The following HS6ST3 variants were observed in gnomAD, a reference collection of about 807,000 sequenced individuals.
HS6ST3 encodes heparan sulfate 6-O-sulfotransferase 3, also known as heparan-sulfate 6-O-sulfotransferase 3.
Under a neutral mutation model 36.7 loss-of-function variants are expected in HS6ST3, and 12 were observed. That is an observed-to-expected ratio of 0.33 (90% CI 0.21 to 0.53). The LOEUF (loss-of-function observed/expected upper bound fraction) is 0.53. HS6ST3 is among the 20% of genes least tolerant of loss of function. The pLI, the probability that HS6ST3 is intolerant of heterozygous loss-of-function variation, is 0.95. For synonymous variants in HS6ST3, 240 were observed against 257.5 expected (o/e 0.93, Z 0.65); for missense variants, 584 against 640.9 (o/e 0.91, Z 0.96).
chr13:96,779,979 G>T (rs1263219210), intron 1 of HS6ST3, among the ~76,000 whole-genome samples: 1 of 152,120 alleles, frequency 6.6e-6, no homozygotes, highest in African/African-American at 2.4e-5. Context: ...GCTTGATCCT[G>T]TCAGTGTGAG....
intron 1 of HS6ST3, among the ~76,000 whole-genome samples, chr13:96,451,931 C>T (rs533654549): frequency 1.3e-5 from 2 of 152,244 alleles, no homozygotes; most frequent in South Asian, 4.1e-4. Context: ...TTATGTGTAG[C>T]AGCCTCATTG....
intron 1 of HS6ST3, among the ~76,000 whole-genome samples, chr13:96,685,587 C>G (rs1295348324): frequency 6.6e-6 from 1 of 151,998 alleles, no homozygotes; most frequent in African/African-American, 2.4e-5. Context: ...TGACCGTGCA[C>G]ACATCTGAGG....
intron 1 of HS6ST3, among the ~76,000 whole-genome samples, chr13:96,617,029 T>C (rs1298630469): frequency 6.6e-6 from 1 of 152,228 alleles, no homozygotes. Context: ...TTCCGAACCT[T>C]AATATACCTA....
At chr13:96,703,604 A>T (rs1875344636) in intron 1 of HS6ST3, among the ~76,000 whole-genome samples, 2 of 152,192 alleles carry the variant, frequency 1.3e-5, no homozygotes, top group African/African-American at 4.8e-5. Context: ...CAATTGCTCC[A>T]TTATGTTCTA....
At chr13:96,233,332 T>C (rs891577296) in intron 1 of HS6ST3, among the ~76,000 whole-genome samples, 1 of 152,200 alleles carries the variant, frequency 6.6e-6, no homozygotes, top group African/African-American at 2.4e-5. Context: ...ATGGAATGGG[T>C]AGAATATTGC....
intron 1 of HS6ST3, among the ~76,000 whole-genome samples, chr13:96,134,394 A>G (rs2053991171): frequency 6.7e-6 from 1 of 150,160 alleles, no homozygotes; most frequent in African/African-American, 2.5e-5. Context: ...TCATGGTTTT[A>G]CCTTTATTTA....
intron 1 of HS6ST3, among the ~76,000 whole-genome samples, chr13:96,709,654 G>T (rs1875514334): frequency 6.6e-6 from 1 of 152,104 alleles, no homozygotes; most frequent in Non-Finnish European, 1.5e-5. Context: ...TAAATCGGAA[G>T]GAGGCCTCGC....
At chr13:96,390,185 T>C (rs2139451126) in intron 1 of HS6ST3, among the ~76,000 whole-genome samples, 1 of 152,324 alleles carries the variant, frequency 6.6e-6, no homozygotes, top group East Asian at 1.9e-4. Context: ...TTGTATAGGC[T>C]GTATAATTCA....
At chr13:96,243,588 T>C (rs9516648) in intron 1 of HS6ST3, among the ~76,000 whole-genome samples, 84,856 of 152,030 alleles carry the variant, frequency 0.56, 23,929 homozygotes, top group Admixed American at 0.66. Flanking sequence ...ATAGCTGCTG[T>C]GTGTGTCATT....
At chr13:96,421,596 G>A (rs748491513) in intron 1 of HS6ST3, among the ~76,000 whole-genome samples, 4 of 152,034 alleles carry the variant, frequency 2.6e-5, no homozygotes, top group Admixed American at 2.6e-4. Context: ...TTGGCTCATG[G>A]TGTTGCTTCT....
intron 1 of HS6ST3, among the ~76,000 whole-genome samples, chr13:96,490,363 G>T (rs1230580955): frequency 6.6e-6 from 1 of 151,924 alleles, no homozygotes; most frequent in Non-Finnish European, 1.5e-5. Context: ...TAAATGAACT[G>T]GTCATGGGGA....
intron 1 of HS6ST3, among the ~76,000 whole-genome samples, chr13:96,503,101 G>T (rs1026088421): frequency 2.6e-5 from 4 of 151,158 alleles, no homozygotes; most frequent in East Asian, 3.9e-4. Flanking sequence ...TGCATATGTG[G>T]TTTTTTTTTG....
At chr13:96,736,739 G>A (rs1384253523) in intron 1 of HS6ST3, among the ~76,000 whole-genome samples, 1 of 151,942 alleles carries the variant, frequency 6.6e-6, no homozygotes, top group Non-Finnish European at 1.5e-5. Context: ...GGCTAAAATA[G>A]AACCAAAAAC....
At position 96,152,329 on chromosome 13, in the gene HS6ST3, T is replaced by TG. The variant is rs1420695975; in HGVS notation, c.707+60760_707+60761insG. ...CTGGCCCCTTTCCTTTTTTTTTTTT[T>TG]TTTTTTGTTGTTGTTGTTGTTGTTT... On this transcript the variant is annotated intron_variant, in intron 1 of 1. Transcript: ENST00000376705. Among the ~76,000 whole-genome samples, 69 of 93,424 alleles carry TG rather than the reference T, an allele frequency of 7.4e-4. No homozygotes were observed. In the Middle Eastern group the frequency reaches 0.023, roughly 31 times the overall value. The allele number at this position is 93,424 out of a possible 152,430, so 61.3% of individuals were successfully genotyped here.
At chr13:96,366,586 C>G (rs959002775) in intron 1 of HS6ST3, among the ~76,000 whole-genome samples, 2 of 152,068 alleles carry the variant, frequency 1.3e-5, no homozygotes, top group African/African-American at 4.8e-5. Context: ...GGGTGCACAT[C>G]AGAATCATCT....
chr13:96,467,552 C>T lies in HS6ST3; in HGVS notation c.708-364938C>T, dbSNP rs562878499. Among the ~76,000 whole-genome samples, 5 of 152,272 alleles carry T rather than the reference C, an allele frequency of 3.3e-5. No homozygotes were observed. The East Asian group carries it at 5.8e-4, about 18-fold the overall frequency. On this transcript the variant is annotated intron_variant, in intron 1 of 1. Transcript: ENST00000376705. ...ACCTACCATGTACAAGGCTTGTTCA[C>T]ATTACTGAATGTACAAGGCCTGGTG...
chr13:96,646,785 A>C (rs775549924), intron 1 of HS6ST3, among the ~76,000 whole-genome samples: 11 of 152,032 alleles, frequency 7.2e-5, no homozygotes, highest in Non-Finnish European at 1.6e-4. Flanking sequence ...ACGGTGAGAC[A>C]GAGCCGTGTC....
rs923480203 is a variant in HS6ST3 at position 96,737,597 on chromosome 13, A to T, written c.708-94893A>T. On this transcript the variant is annotated intron_variant, in intron 1 of 1. Coordinates refer to ENST00000376705, the MANE Select transcript of HS6ST3 (RefSeq NM_153456.4). Reference sequence around the variant, plus strand: ...CCGAGATTGCGCCACTGCAGTCCGCAGTCCGGCCTGGGCGACAGAGCGAGA... The same window carrying T: ...CCGAGATTGCGCCACTGCAGTCCGCTGTCCGGCCTGGGCGACAGAGCGAGA... Among the ~76,000 whole-genome samples the T allele has an allele frequency of 1.8e-4, 24 of 133,552 alleles. 1 individual carries two copies. The highest frequency in any genetic ancestry group is 6.2e-4 in the African/African-American group (22 of 35,736). 87.6% of individuals were successfully genotyped at this position (133,552 alleles called of 152,430 possible).
At chr13:96,795,356 A>T (rs1370205268) in intron 1 of HS6ST3, among the ~76,000 whole-genome samples, 1 of 152,036 alleles carries the variant, frequency 6.6e-6, no homozygotes, top group East Asian at 1.9e-4. Flanking sequence ...ATTTATTACT[A>T]TTATTAATTT....
Sources: allele counts gnomAD v4.1 joint callset (sites outside exome capture counted in the v4.1 genomes callset), GRCh38; gene constraint gnomAD v4.1.1; transcripts MANE v1.5; gene names NCBI Gene and HGNC (gene_info 2026-07-23, HGNC 2026-07-21).